Variants in TANGO6 observed in about 807,000 individuals in gnomAD.
TANGO6 encodes the protein transport and Golgi organization protein 6 homolog.
TANGO6 carries 90 observed loss-of-function variants against 114.2 expected under a neutral mutation model. The ratio of observed to expected loss-of-function variants is 0.79; its 90% CI spans 0.66 to 0.94. The LOEUF (loss-of-function observed/expected upper bound fraction) is 0.94, where lower values mean the gene tolerates loss of function less well. TANGO6 is among the 40% of genes least tolerant of loss of function. TANGO6 has a pLI of 0.00. For missense variants in TANGO6, 1,274 were observed against 1,315.3 expected (o/e 0.97, Z 0.49); for synonymous variants, 477 against 509.8 (o/e 0.94, Z 0.87).
intron 12 of TANGO6, among the ~76,000 whole-genome samples, chr16:68,924,105 C>G (rs1963133884): frequency 6.6e-6 from 1 of 152,174 alleles, no homozygotes; most frequent in African/African-American, 2.4e-5. Flanking sequence ...TAAAAAAGCC[C>G]TTACTTGCAA....
chr16:69,083,379 G>C lies in TANGO6; in HGVS notation c.3109-106G>C, dbSNP rs1960493859. On this transcript the variant is annotated intron_variant, in intron 17 of 17. Coordinates refer to ENST00000261778, the MANE Select transcript of TANGO6 (RefSeq NM_024562.2). ...CAGCCACATTATCTTCAGGAAGTCT[G>C]TGGATGTCCTCACAGATCTCCTCAG... The C allele has an allele frequency of 3.7e-6, 5 of 1,360,410 alleles. No homozygotes were observed. In the Admixed American group the frequency reaches 1.3e-4, roughly 35 times the overall value. The allele number at this position is 1,360,410 out of a possible 1,614,324, so 84.3% of individuals were successfully genotyped here.
chr16:69,077,700 G>A (rs1321195544), intron 17 of TANGO6, among the ~76,000 whole-genome samples: 2 of 151,956 alleles, frequency 1.3e-5, no homozygotes, highest in Non-Finnish European at 1.5e-5. Context: ...GTGGTGGCAC[G>A]TGCCTGTAAT....
At chr16:68,986,090 A>T (rs1203116259) in intron 15 of TANGO6, among the ~76,000 whole-genome samples, 1 of 152,206 alleles carries the variant, frequency 6.6e-6, no homozygotes, top group Non-Finnish European at 1.5e-5. Flanking sequence ...ATCATGACGT[A>T]CAAAGAACAG....
In TANGO6 at chr16:68,907,464, C is replaced by T; in HGVS notation, c.1689C>T (p.Ala563=). The T allele has an allele frequency of 1.2e-6, 2 of 1,607,272 alleles. No homozygotes were observed. Among genetic ancestry groups the T allele is most frequent in the Non-Finnish European group, 8.5e-7 (1 of 1,178,174 alleles). ...EAISDEDEDE[A]LYQKVSSEQG... is the part of the protein sequence containing the mutation. Reference sequence around the variant, plus strand: ...GCAGTGATGAAGATGAAGATGAAGCCCTGTACCAGAAGGTATCCTCTGAGC... The same window carrying T: ...GCAGTGATGAAGATGAAGATGAAGCTCTGTACCAGAAGGTATCCTCTGAGC... The change falls in exon 10 of 18, where the codon GCC becomes GCT. Residue 563 remains alanine (A), a synonymous_variant. Transcript: ENST00000261778.
intron 4 of TANGO6, among the ~76,000 whole-genome samples, chr16:68,872,778 C>T (rs1962296300): frequency 6.6e-6 from 1 of 151,818 alleles, no homozygotes; most frequent in Non-Finnish European, 1.5e-5. Context: ...CTCACTACAG[C>T]TTGCGCCTCC....
chr16:68,897,297 C>G (rs530569062), intron 7 of TANGO6, among the ~76,000 whole-genome samples: 1 of 152,142 alleles, frequency 6.6e-6, no homozygotes, highest in African/African-American at 2.4e-5. Flanking sequence ...TCCTAGCACT[C>G]GTCACTACCT....
chr16:68,882,393 A>G (rs1319686993), intron 7 of TANGO6, among the ~76,000 whole-genome samples: 2 of 152,032 alleles, frequency 1.3e-5, no homozygotes, highest in Non-Finnish European at 2.9e-5. Flanking sequence ...GCTACTCGGG[A>G]GGCTGAAACA....
chr16:69,006,227 A>G (rs1230699898), intron 15 of TANGO6, among the ~76,000 whole-genome samples: 1 of 152,076 alleles, frequency 6.6e-6, no homozygotes, highest in African/African-American at 2.4e-5. Flanking sequence ...TGAGGGGAGC[A>G]AGGATTGTGA....
intron 17 of TANGO6, among the ~76,000 whole-genome samples, chr16:69,062,877 G>C (rs1189842140): frequency 6.7e-6 from 1 of 150,040 alleles, no homozygotes; most frequent in Non-Finnish European, 1.5e-5. Context: ...GGTGAATCAC[G>C]AGGTCAGGAG....
intron 15 of TANGO6, among the ~76,000 whole-genome samples, chr16:68,997,519 G>A (rs562989988): frequency 5.0e-4 from 76 of 152,306 alleles, no homozygotes; most frequent in Non-Finnish European, 4.9e-4. Context: ...CTTTTAGCAT[G>A]CTAATGCATT....
chr16:68,861,055 G>A (rs369943557), intron 2 of TANGO6, among the ~76,000 whole-genome samples: 1 of 152,186 alleles, frequency 6.6e-6, no homozygotes, highest in East Asian at 1.9e-4. Context: ...CTGTCACTCA[G>A]TCCAGTAAGC....
chr16:68,943,488 C>T (rs538096585), intron 14 of TANGO6, among the ~76,000 whole-genome samples: 129 of 151,836 alleles, frequency 8.5e-4, no homozygotes, highest in African/African-American at 2.9e-3. Context: ...CTCAGCCTCC[C>T]GAGTAGCTGG....
intron 11 of TANGO6, among the ~76,000 whole-genome samples, chr16:68,914,878 GTT>G (rs112117841): frequency 2.8e-5 from 4 of 141,234 alleles, no homozygotes; most frequent in African/African-American, 1.0e-4. Flanking sequence ...AGTTCCCTGG[GTT>G]TTTTTTTTTT....
In TANGO6 at chr16:69,083,639, A is replaced by G. The variant is rs1328525720; in HGVS notation, c.3263A>G (p.Lys1088Arg). ...NFLFPPQKLEKKIMVLP is the reference protein window; with the variant it reads ...NFLFPPQKLERKIMVLP ...CTGTTCCCTCCACAGAAGCTGGAGAAGAAGATCATGGTCCTGCCGTAGACC... is the reference window on the plus strand; with the variant it reads ...CTGTTCCCTCCACAGAAGCTGGAGAGGAAGATCATGGTCCTGCCGTAGACC... Residue 1088 changes from lysine (K) to arginine (R), a missense_variant, in exon 18 of 18, where the codon AAG (lysine) becomes AGG (arginine). Transcript: ENST00000261778. 6.4e-7 allele frequency: 1 copy of G among 1,565,816 alleles called. No individual in the cohort carries two copies. The highest frequency in any genetic ancestry group is 2.4e-5 in the East Asian group (1 of 42,182).
intron 1 of TANGO6, among the ~76,000 whole-genome samples, chr16:68,847,361 G>T (rs564568036): frequency 9.9e-5 from 15 of 152,200 alleles, no homozygotes; most frequent in African/African-American, 3.6e-4. Flanking sequence ...CGGCAAGCCA[G>T]GTCCCCATAG....
At chr16:68,990,152 C>T (rs1184048678) in intron 15 of TANGO6, among the ~76,000 whole-genome samples, 1 of 152,136 alleles carries the variant, frequency 6.6e-6, no homozygotes, top group Non-Finnish European at 1.5e-5. Context: ...CCCACCTCAG[C>T]CTCTTGAGTA....
intron 17 of TANGO6, among the ~76,000 whole-genome samples, chr16:69,076,643 G>A (rs1960384465): frequency 6.6e-6 from 1 of 152,078 alleles, no homozygotes; most frequent in Admixed American, 6.6e-5. Context: ...GAAAAGTGTC[G>A]CCTCTCCAAG....
intron 11 of TANGO6, 101 bp downstream of exon 11, chr16:68,909,503 G>A (rs1168006880): frequency 8.9e-6 from 10 of 1,121,366 alleles, no homozygotes; most frequent in Non-Finnish European, 1.2e-5. Flanking sequence ...CCTGGATCAT[G>A]AGGTGTTTCC....
At position 69,084,401 on chromosome 16, in the gene TANGO6, C is replaced by T. The variant is rs1364015257; in HGVS notation, c.*740C>T. 1 of 152,280 alleles carries T rather than the reference C, an allele frequency of 6.6e-6. No individual in the cohort carries two copies. Among genetic ancestry groups the T allele is most frequent in the Non-Finnish European group, 1.5e-5 (1 of 68,056 alleles). The allele number at this position is 152,280 out of a possible 1,614,324, so 9.4% of individuals were successfully genotyped here. On this transcript the variant is annotated 3_prime_UTR_variant, in exon 18 of 18. Transcript: ENST00000261778. The stretch of plus-strand genomic sequence containing the variant: ...GTTTGCAGAGAGTTGCCCTGATTAT[C>T]AGGAGAAAAGAACCACGAGCATCCA...
Sources: allele counts gnomAD v4.1 joint callset (sites outside exome capture counted in the v4.1 genomes callset), GRCh38; gene constraint gnomAD v4.1.1; transcripts MANE v1.5; gene names NCBI Gene and HGNC (gene_info 2026-07-23, HGNC 2026-07-21).